PPIP5K1: variants seen among roughly 807,000 people sequenced by gnomAD.
PPIP5K1 encodes inositol hexakisphosphate and diphosphoinositol-pentakisphosphate kinase 1.
PPIP5K1 carries 6 observed loss-of-function variants against 27.7 expected under a neutral mutation model. The ratio of observed to expected loss-of-function variants is 0.22; its 90% CI spans 0.12 to 0.43. The LOEUF (loss-of-function observed/expected upper bound fraction) is 0.43. Ranked by LOEUF, PPIP5K1 falls within the 20% of genes least tolerant of loss-of-function variation. The probability of loss-of-function intolerance (pLI) is 1.00; values close to 1 mark genes in which losing one functional copy is unlikely to be tolerated. For missense variants in PPIP5K1, 394 were observed against 635.4 expected (o/e 0.62, Z 4.08); for synonymous variants, 145 against 242.6 (o/e 0.60, Z 3.74).
Position 43,535,480 on chromosome 15 carries a change from T to C in PPIP5K1, c.3671-4A>G. 2 of 1,552,308 alleles carry C rather than the reference T, an allele frequency of 1.3e-6. No homozygotes were observed. The highest frequency in any genetic ancestry group is 8.7e-7 in the Non-Finnish European group (1 of 1,153,198). On this transcript the variant is annotated splice_polypyrimidine_tract_variant and splice_region_variant and intron_variant, in intron 31 of 31. Coordinates refer to ENST00000420765, the MANE Select transcript of PPIP5K1 (RefSeq NM_001394395.1). ...GTGCTAGAAGGGCCACTGCTGTCTG[T>C]AAAGCAAAGTCAAGAGATCAAGTTA...
intron 30 of PPIP5K1, among the ~76,000 whole-genome samples, chr15:43,545,341 C>A (rs1204671260): frequency 6.6e-6 from 1 of 152,066 alleles, no homozygotes; most frequent in African/African-American, 2.4e-5. Context: ...TATTGTCAAA[C>A]TTTTGGATTT....
In PPIP5K1 at chr15:43,534,628, C is replaced by G; in HGVS notation, c.*46G>C. On this transcript the variant is annotated 3_prime_UTR_variant, in exon 32 of 32. Transcript: ENST00000420765. Reference sequence around the variant, plus strand: ...GATGGATGCTGGGCTTGAGGAATACCCTCTCCAGGCAGCTGATCAATCACT... The same window carrying G: ...GATGGATGCTGGGCTTGAGGAATACGCTCTCCAGGCAGCTGATCAATCACT... 1 of 1,477,738 alleles carries G rather than the reference C, an allele frequency of 6.8e-7. No individual in the cohort carries two copies. Among genetic ancestry groups the G allele is most frequent in the Non-Finnish European group, 9.0e-7 (1 of 1,106,048 alleles). 91.5% of individuals were successfully genotyped at this position (1,477,738 alleles called of 1,614,324 possible). A position where few individuals can be genotyped will look rare whatever the true frequency, so the allele number is the denominator to read the frequency against.
chr15:43,549,027 CAAAAAAAAAAAA>C lies in PPIP5K1; in HGVS notation c.3557-9456_3557-9445del, dbSNP rs1160828750. On this transcript the variant is annotated intron_variant, in intron 30 of 31. Coordinates refer to ENST00000420765, the MANE Select transcript of PPIP5K1 (RefSeq NM_001394395.1). ...TGGGTGACAGAGTGAGACTCCATCT[CAAAAAAAAAAAA>C]AAAAAAAAAAAAAAAAAATATATAT... Among the ~76,000 whole-genome samples, 21 of 28,684 alleles carry C rather than the reference CAAAAAAAAAAAA, an allele frequency of 7.3e-4. No homozygotes were observed. The South Asian group carries it at 0.011, about 15-fold the overall frequency. The allele number at this position is 28,684 out of a possible 152,430, so 18.8% of individuals were successfully genotyped here.
intron 30 of PPIP5K1, among the ~76,000 whole-genome samples, chr15:43,558,462 G>A (rs1202687275): frequency 2.0e-5 from 3 of 152,170 alleles, no homozygotes; most frequent in Middle Eastern, 3.4e-3. Context: ...ACTTGACCTC[G>A]TGATCCACCC....
chr15:43,558,686 G>C, intron 30 of PPIP5K1, 109 bp downstream of exon 30: 2 of 1,427,736 alleles, frequency 1.4e-6, no homozygotes, highest in Non-Finnish European at 1.9e-6. Context: ...GTGTACTTTT[G>C]TGTCTTTGTG....
chr15:43,548,301 G>A (rs755809913), intron 30 of PPIP5K1: 1 of 151,372 alleles, frequency 6.6e-6, no homozygotes, highest in African/African-American at 2.4e-5. Flanking sequence ...TAGAGACAGG[G>A]TTTCATCATG....
In PPIP5K1 at chr15:43,535,260, G is replaced by A; in HGVS notation, c.3887C>T (p.Ser1296Phe). ...GGTTTCCATAGGTGGCACCTGTGGG[G>A]ACTGATTTGGTTCAAAAAGCTCTTG... ...GEQELFEPNQ[S>F]PQVPPMETSQ... is the part of the protein sequence containing the mutation. The change falls in exon 32 of 32, where the codon TCC (serine) becomes TTC (phenylalanine). Residue 1296 changes from serine (S) to phenylalanine (F), a missense_variant. Physicochemically the swap from Ser to Phe is radical, Grantham distance 155. Around this residue, in one of 4 missense-constraint regions of PPIP5K1, gnomAD observed 379 missense variants for 423.9 expected, o/e 0.89. Coordinates refer to ENST00000420765, the MANE Select transcript of PPIP5K1 (RefSeq NM_001394395.1). 1 of 1,614,192 alleles carries A rather than the reference G, an allele frequency of 6.2e-7. No individual in the cohort carries two copies. The highest frequency in any genetic ancestry group is 1.3e-5 in the African/African-American group (1 of 75,052).
intron 30 of PPIP5K1, among the ~76,000 whole-genome samples, chr15:43,552,098 T>G (rs1453305672): frequency 1.3e-5 from 2 of 151,872 alleles, no homozygotes; most frequent in Non-Finnish European, 2.9e-5. Flanking sequence ...GGATTACAGG[T>G]TTGCACCACC....
At chr15:43,552,576 T>G (rs1392064907) in intron 30 of PPIP5K1, among the ~76,000 whole-genome samples, 1 of 144,630 alleles carries the variant, frequency 6.9e-6, no homozygotes. Context: ...AAAAATTAGC[T>G]GGGTGTGGTG....
At chr15:43,547,505 T>C (rs148014319) in intron 30 of PPIP5K1, among the ~76,000 whole-genome samples, 41 of 152,354 alleles carry the variant, frequency 2.7e-4, no homozygotes, top group African/African-American at 9.1e-4. Context: ...ACTTAGGTCA[T>C]TGATCCATTT....
intron 30 of PPIP5K1, among the ~76,000 whole-genome samples, chr15:43,547,475 T>C (rs1364275454): frequency 1.3e-5 from 2 of 152,248 alleles, no homozygotes; most frequent in Non-Finnish European, 2.9e-5. Flanking sequence ...TTCTAAGAGA[T>C]TTATAATTTT....
chr15:43,558,316 C>T (rs965863281), intron 30 of PPIP5K1, among the ~76,000 whole-genome samples: 8 of 150,330 alleles, frequency 5.3e-5, no homozygotes, highest in Non-Finnish European at 1.2e-4. Context: ...CAACCTCTGC[C>T]TCCCAGGTTC....
At chr15:43,549,058 T>TATATATAC (rs2081855025) in intron 30 of PPIP5K1, among the ~76,000 whole-genome samples, 4 of 36,852 alleles carry the variant, frequency 1.1e-4, no homozygotes, top group South Asian at 8.9e-4. Flanking sequence ...AAAAAAAAAA[T>TATATATAC]ATATATATAT....
chr15:43,559,239 C>A (rs2083459188), intron 29 of PPIP5K1, among the ~76,000 whole-genome samples: 1 of 152,178 alleles, frequency 6.6e-6, no homozygotes, highest in South Asian at 2.1e-4. Context: ...GGGTAGGCAC[C>A]AACGTTGTTC....
At chr15:43,539,654 G>A (rs769762808) in intron 30 of PPIP5K1, 71 bp from the exon 31 acceptor site, 8 of 971,914 alleles carry the variant, frequency 8.2e-6, no homozygotes, top group Non-Finnish European at 1.3e-5. Flanking sequence ...GGAGCCACAC[G>A]TTCTCAACAT....
At chr15:43,536,463 T>A (rs3803329) in intron 31 of PPIP5K1, among the ~76,000 whole-genome samples, 1 of 151,646 alleles carries the variant, frequency 6.6e-6, no homozygotes, top group African/African-American at 2.4e-5. Flanking sequence ...AAATGGAAGA[T>A]GGCCATGGAA....
chr15:43,558,648 C>G, intron 30 of PPIP5K1, 147 bp downstream of exon 30: 1 of 1,156,248 alleles, frequency 8.6e-7, no homozygotes, highest in Non-Finnish European at 1.2e-6. Flanking sequence ...TGAACCACTG[C>G]GCCCAGCCAG....
Position 43,534,913 on chromosome 15 carries a change from C to T in PPIP5K1, c.4234G>A (p.Val1412Ile), listed in dbSNP as rs2079626251. The T allele has an allele frequency of 3.7e-6, 6 of 1,614,080 alleles. No individual in the cohort carries two copies. In the East Asian group the frequency reaches 1.1e-4, roughly 30 times the overall value. ...EVGKLVHKFH[V>I]GVGSLVQETL... Reference sequence around the variant, plus strand: ...TCCTGGACCAAGCTACCAACCCCTACATGGAACTTATGGACCAGCTTGCCA... The same window carrying T: ...TCCTGGACCAAGCTACCAACCCCTATATGGAACTTATGGACCAGCTTGCCA... Residue 1412 changes from valine to isoleucine, a missense_variant, in exon 32 of 32, where the codon GTA (valine) becomes ATA (isoleucine). This residue lies in a region of PPIP5K1 where 379 missense variants were observed against 423.9 expected (regional missense o/e 0.89). Coordinates refer to ENST00000420765, the MANE Select transcript of PPIP5K1 (RefSeq NM_001394395.1).
rs1387691972 is a variant in PPIP5K1, at chr15:43,534,456, CA to C, written c.*217del. 1 of 446,186 alleles carries C rather than the reference CA, an allele frequency of 2.2e-6. No individual in the cohort carries two copies. The highest frequency in any genetic ancestry group is 2.0e-5 in the African/African-American group (1 of 49,948). The allele number at this position is 446,186 out of a possible 1,614,324, so 27.6% of individuals were successfully genotyped here. A position where few individuals can be genotyped will look rare whatever the true frequency, so the allele number is the denominator to read the frequency against. On this transcript the variant is annotated 3_prime_UTR_variant, in exon 32 of 32. Transcript: ENST00000420765. ...CCAGACACCGCTGGTGAGAGCTGGCCAGTGAGTTAGCCAACAGAAAAGGTTG... is the reference window on the plus strand; with the variant it reads ...CCAGACACCGCTGGTGAGAGCTGGCCGTGAGTTAGCCAACAGAAAAGGTTG...
Sources: gnomAD v4.1 joint callset for allele counts (sites outside exome capture counted in the v4.1 genomes callset) on GRCh38, gnomAD v4.1.1 for gene constraint, gnomAD v4.1.1 regional missense constraint, MANE v1.5 for transcripts, NCBI Gene and HGNC (gene_info 2026-07-23, HGNC 2026-07-21) for gene names.